HDAC9: variants seen among roughly 807,000 people sequenced by gnomAD.
HDAC9 encodes MEF-2 interacting transcription repressor (MITR) protein.
HDAC9 carries 41 observed loss-of-function variants against 139.4 expected under a neutral mutation model. That is an observed-to-expected ratio of 0.29 (90% CI 0.23 to 0.38). The LOEUF (loss-of-function observed/expected upper bound fraction) is 0.38, where lower values mean the gene tolerates loss of function less well. Among genes scored for constraint, HDAC9 ranks in the 10% least tolerant of loss-of-function variants. The probability of loss-of-function intolerance (pLI) is 1.00; values close to 1 mark genes in which losing one functional copy is unlikely to be tolerated. For missense variants in HDAC9, 1,147 were observed against 1,297.0 expected (o/e 0.88, Z 1.78); for synonymous variants, 517 against 476.2 (o/e 1.09, Z -1.12).
At chr7:18,279,715 C>T (rs1796975647) in intron 2 of HDAC9, among the ~76,000 whole-genome samples, 2 of 152,054 alleles carry the variant, frequency 1.3e-5, no homozygotes, top group Admixed American at 6.6e-5. Flanking sequence ...CCACCCCCCT[C>T]GACCCCCCAA....
chr7:18,837,242 A>G (rs1458987136), intron 21 of HDAC9, among the ~76,000 whole-genome samples: 1 of 151,926 alleles, frequency 6.6e-6, no homozygotes, highest in Admixed American at 6.6e-5. Flanking sequence ...ACAATGTTGT[A>G]GAAAAAAATG....
Position 18,770,621 on chromosome 7 carries a change from G to A in HDAC9, c.2214+3466G>A, listed in dbSNP as rs529776923. Among the ~76,000 whole-genome samples, 7 of 152,198 alleles carry A rather than the reference G, an allele frequency of 4.6e-5. No individual in the cohort carries two copies. In the South Asian group the frequency reaches 1.2e-3, roughly 27 times the overall value. On this transcript the variant is annotated intron_variant, in intron 16 of 25. Coordinates refer to ENST00000686413, the MANE Select transcript of HDAC9 (RefSeq NM_178425.4). ...AGCTCCCAGCTTCAAACGCTTCTGCGGCTTTTGAGTTGTCATTTATAACTT... is the reference window on the plus strand; with the variant it reads ...AGCTCCCAGCTTCAAACGCTTCTGCAGCTTTTGAGTTGTCATTTATAACTT...
At position 18,165,798 on chromosome 7, in the gene HDAC9, C is replaced by CAA. The variant is rs59376151; in HGVS notation, c.25+3463_25+3464dup. 2.2e-4 allele frequency among the ~76,000 whole-genome samples: 21 copies of CAA among 97,580 alleles called. No individual in the cohort carries two copies. In the East Asian group the frequency reaches 2.4e-3, roughly 11 times the overall value. The allele number at this position is 97,580 out of a possible 152,430, so 64.0% of individuals were successfully genotyped here. A position where few individuals can be genotyped will look rare whatever the true frequency, so the allele number is the denominator to read the frequency against. On this transcript the variant is annotated intron_variant, in intron 2 of 12. Coordinates refer to the HDAC9 transcript ENST00000417496. ...TGGGCCACAGAGCAAGACCCTGTCTCAAAAAAAAAAAAAAAGAAAGAAAGA... is the reference window on the plus strand; with the variant it reads ...TGGGCCACAGAGCAAGACCCTGTCTCAAAAAAAAAAAAAAAAAGAAAGAAAGA...
At chr7:18,791,046 C>T (rs997049480) in intron 16 of HDAC9, among the ~76,000 whole-genome samples, 1 of 152,184 alleles carries the variant, frequency 6.6e-6, no homozygotes. Flanking sequence ...TATGGACAGG[C>T]ATATGGGTAT....
At chr7:18,222,264 T>C (rs1792755488) in intron 2 of HDAC9, among the ~76,000 whole-genome samples, 1 of 152,158 alleles carries the variant, frequency 6.6e-6, no homozygotes, top group South Asian at 2.1e-4. Context: ...GAAACATGCT[T>C]TTCTTTATTC....
intron 1 of HDAC9, among the ~76,000 whole-genome samples, chr7:18,155,219 G>T (rs973899661): frequency 1.3e-5 from 2 of 151,578 alleles, no homozygotes; most frequent in Non-Finnish European, 2.9e-5. Flanking sequence ...ACTCCCTATT[G>T]TCCAAGGAGG....
At chr7:18,756,932 G>T (rs1052633619) in intron 14 of HDAC9, among the ~76,000 whole-genome samples, 1 of 152,000 alleles carries the variant, frequency 6.6e-6, no homozygotes, top group Non-Finnish European at 1.5e-5. Context: ...ACACGAGGAG[G>T]GTTGTGTGGA....
chr7:18,091,533 T>A (rs1167428740), intron 1 of HDAC9, among the ~76,000 whole-genome samples: 1 of 152,236 alleles, frequency 6.6e-6, no homozygotes, highest in Non-Finnish European at 1.5e-5. Flanking sequence ...GGAAACTAAC[T>A]TAGTTAATAT....
intron 1 of HDAC9, among the ~76,000 whole-genome samples, chr7:18,143,440 A>G (rs767502957): frequency 3.0e-4 from 45 of 152,178 alleles, no homozygotes; most frequent in Non-Finnish European, 1.5e-4. Context: ...AGCTGTTTTT[A>G]TATTACCATG....
intron 2 of HDAC9, among the ~76,000 whole-genome samples, chr7:18,530,028 TG>T (rs1208024868): frequency 6.6e-6 from 1 of 151,942 alleles, no homozygotes. Flanking sequence ...CCCAGCAATT[TG>T]GGGGGGTGTG....
intron 8 of HDAC9, among the ~76,000 whole-genome samples, chr7:18,637,665 TTG>T (rs1244413297): frequency 6.6e-6 from 1 of 152,038 alleles, no homozygotes; most frequent in African/African-American, 2.4e-5. Context: ...AATGAATTAA[TTG>T]TGTGCCTGAA....
intron 2 of HDAC9, among the ~76,000 whole-genome samples, chr7:18,196,636 A>G (rs894554015): frequency 2.6e-5 from 4 of 152,164 alleles, no homozygotes; most frequent in African/African-American, 9.7e-5. Flanking sequence ...AATTCGATCT[A>G]TTCAGAGTAA....
intron 2 of HDAC9, among the ~76,000 whole-genome samples, chr7:18,579,631 T>C (rs894576544): frequency 6.6e-6 from 1 of 152,196 alleles, no homozygotes; most frequent in Non-Finnish European, 1.5e-5. Flanking sequence ...ATAAAATGGC[T>C]CTGGGCAGCA....
chr7:18,701,833 C>G (rs1359301523), intron 12 of HDAC9, among the ~76,000 whole-genome samples: 1 of 152,110 alleles, frequency 6.6e-6, no homozygotes, highest in Admixed American at 6.6e-5. Context: ...AGAGTGTAGA[C>G]TAAGGATCTT....
intron 17 of HDAC9, among the ~76,000 whole-genome samples, chr7:18,804,877 C>G (rs1313289862): frequency 6.6e-6 from 1 of 152,168 alleles, no homozygotes; most frequent in Admixed American, 6.5e-5. Context: ...TCACTGCAAC[C>G]TCTGCTTCCC....
In HDAC9 at chr7:18,367,635, C is replaced by T. The variant is rs1173327536; in HGVS notation, c.-42+77120C>T. 2.0e-5 allele frequency among the ~76,000 whole-genome samples: 3 copies of T among 152,018 alleles called. No homozygotes were observed. The South Asian group carries it at 6.2e-4, about 32-fold the overall frequency. On this transcript the variant is annotated intron_variant, in intron 1 of 3. Transcript: ENST00000413509. Reference sequence around the variant, plus strand: ...TTTTAGGCTTTGCTATTATGGCAATCATTTTCTGAACATGCTTGTGCATGT... The same window carrying T: ...TTTTAGGCTTTGCTATTATGGCAATTATTTTCTGAACATGCTTGTGCATGT...
At chr7:18,854,762 CT>C (rs1797551991) in intron 21 of HDAC9, among the ~76,000 whole-genome samples, 1 of 151,684 alleles carries the variant, frequency 6.6e-6, no homozygotes, top group African/African-American at 2.4e-5. Flanking sequence ...TAAGGAGCCA[CT>C]ACAGCAAGAA....
chr7:18,832,290 T>G (rs922035718), intron 19 of HDAC9, among the ~76,000 whole-genome samples: 2 of 152,240 alleles, frequency 1.3e-5, no homozygotes, highest in Non-Finnish European at 2.9e-5. Flanking sequence ...GTCCTTAGAT[T>G]TTGGGAAATT....
chr7:18,650,356 A>C (rs918602320), intron 11 of HDAC9, among the ~76,000 whole-genome samples: 1 of 152,152 alleles, frequency 6.6e-6, no homozygotes, highest in African/African-American at 2.4e-5. Flanking sequence ...GCTTGGTTCT[A>C]TTTCCTAGAA....
Sources: allele counts gnomAD v4.1 joint callset (sites outside exome capture counted in the v4.1 genomes callset), GRCh38; gene constraint gnomAD v4.1.1; transcripts MANE v1.5; gene names NCBI Gene and HGNC (gene_info 2026-07-23, HGNC 2026-07-21).